The following POTEC variants were observed in gnomAD, a reference collection of about 807,000 sequenced individuals.
The protein encoded by POTEC is POTE ankyrin domain family member C, also known as ANKRD26-like family B member 2.
In POTEC, 35 loss-of-function variants were observed where a neutral mutation model predicts 62.0. That is an observed-to-expected ratio of 0.56 (90% CI 0.43 to 0.75). POTEC has a LOEUF of 0.75. Ranked by LOEUF, POTEC falls within the 30% of genes least tolerant of loss-of-function variation. The pLI is 0.00. For synonymous variants in POTEC, 156 were observed against 221.5 expected (o/e 0.70, Z 2.62); for missense variants, 472 against 655.9 (o/e 0.72, Z 3.06).
rs561969267 is a variant in POTEC, at chr18:14,537,057, T to G, written c.810+744A>C. Reference sequence around the variant, plus strand: ...TTCCTCAGAGGCCTCCTAAAATTTATCTCTAGGCAGTTTACAACCCACTAA... The same window carrying G: ...TTCCTCAGAGGCCTCCTAAAATTTAGCTCTAGGCAGTTTACAACCCACTAA... On this transcript the variant is annotated intron_variant, in intron 3 of 10. Coordinates refer to ENST00000358970, the MANE Select transcript of POTEC (RefSeq NM_001137671.2). 9.0e-3 allele frequency among the ~76,000 whole-genome samples: 1,354 copies of G among 151,272 alleles called. 21 individuals are homozygous for G. Among genetic ancestry groups the G allele is most frequent in the Non-Finnish European group, 0.012 (815 of 67,808 alleles).
intron 6 of POTEC, 143 bp from the exon 7 acceptor site, chr18:14,525,126 G>C (rs1845871143): frequency 7.7e-7 from 1 of 1,294,716 alleles, no homozygotes; most frequent in Non-Finnish European, 1.0e-6. Context: ...AGTTACTTAG[G>C]AAATAATTCT....
At chr18:14,521,655 C>T (rs1288890399) in intron 9 of POTEC, among the ~76,000 whole-genome samples, 1 of 151,940 alleles carries the variant, frequency 6.6e-6, no homozygotes, top group African/African-American at 2.4e-5. Context: ...ATGTATTTAC[C>T]AACAGTGTAT....
At chr18:14,521,338 TTAAA>T (rs1910301195) in intron 9 of POTEC, among the ~76,000 whole-genome samples, 1 of 152,194 alleles carries the variant, frequency 6.6e-6, no homozygotes, top group African/African-American at 2.4e-5. Context: ...ACTAAATGCT[TTAAA>T]TACATTTTAA....
intron 9 of POTEC, among the ~76,000 whole-genome samples, chr18:14,518,706 C>A (rs1203847693): frequency 6.9e-6 from 1 of 144,814 alleles, no homozygotes; most frequent in African/African-American, 2.6e-5. Flanking sequence ...AAATAAAGAA[C>A]TGAAGGAATG....
Position 14,530,468 on chromosome 18 carries a change from T to G in POTEC, c.1126+15A>C. 9 of 1,602,848 alleles carry G rather than the reference T, an allele frequency of 5.6e-6. No homozygotes were observed. The highest frequency in any genetic ancestry group is 6.8e-6 in the Non-Finnish European group (8 of 1,173,620). On this transcript the variant is annotated intron_variant, in intron 6 of 10. Coordinates refer to ENST00000358970, the MANE Select transcript of POTEC (RefSeq NM_001137671.2). ...GGACAACTGACCTAAAGTAATTCAT[T>G]ATCACAAGTCTTACCTGGATTGCTG...
At chr18:14,530,346 A>C in intron 6 of POTEC, 137 bp downstream of exon 6, 1 of 1,172,980 alleles carries the variant, frequency 8.5e-7, no homozygotes, top group Non-Finnish European at 1.2e-6. Context: ...ACAATAAATG[A>C]AACATGGCTG....
chr18:14,522,129 G>A (rs1321423175), intron 9 of POTEC, 125 bp downstream of exon 9: 10 of 1,309,516 alleles, frequency 7.6e-6, no homozygotes, highest in Middle Eastern at 2.8e-4. Context: ...TCATTTTTCT[G>A]ATTAACAGGC....
At chr18:14,515,641 AAAATAAATAAAC>A (rs1276628244) in intron 9 of POTEC, among the ~76,000 whole-genome samples, 4 of 85,704 alleles carry the variant, frequency 4.7e-5, no homozygotes, top group Non-Finnish European at 8.7e-5. Context: ...AACAAAAATA[AAAATAAATAAAC>A]AAATAAATAA....
In POTEC at chr18:14,543,578, T is replaced by C. The variant is rs539123907; in HGVS notation, c.-432A>G. 1 of 276,992 alleles carries C rather than the reference T, an allele frequency of 3.6e-6. No homozygotes were observed. Among genetic ancestry groups the C allele is most frequent in the African/African-American group, 2.5e-5 (1 of 39,620 alleles). The allele number at this position is 276,992 out of a possible 1,614,324, so 17.2% of individuals were successfully genotyped here. A position where few individuals can be genotyped will look rare whatever the true frequency, so the allele number is the denominator to read the frequency against. ...AGGAACGCAAAGCGAAGCGTACCCGTTACAGGTAAGCCAAGCCGTTATGCG... is the reference window on the plus strand; with the variant it reads ...AGGAACGCAAAGCGAAGCGTACCCGCTACAGGTAAGCCAAGCCGTTATGCG... On this transcript the variant is annotated 5_prime_UTR_variant, in exon 1 of 11. Coordinates refer to ENST00000358970, the MANE Select transcript of POTEC (RefSeq NM_001137671.2).
chr18:14,516,298 T>TATA lies in POTEC; in HGVS notation c.1410-2514_1410-2513insTAT, dbSNP rs1910151262. ...ACTGATGAGTGGAATAAAGAAAATTTTATATATATATATATATATATATAT... is the reference window on the plus strand; with the variant it reads ...ACTGATGAGTGGAATAAAGAAAATTTATATATATATATATATATATATATATAT... On this transcript the variant is annotated intron_variant, in intron 9 of 10. Transcript: ENST00000358970. Among the ~76,000 whole-genome samples the TATA allele has an allele frequency of 2.8e-4, 7 of 25,120 alleles. 1 individual carries two copies. The highest frequency in any genetic ancestry group is 4.9e-4 in the Non-Finnish European group (7 of 14,324). 16.5% of individuals were successfully genotyped at this position (25,120 alleles called of 152,430 possible). A position where few individuals can be genotyped will look rare whatever the true frequency, so the allele number is the denominator to read the frequency against.
chr18:14,531,246 T>C (rs1341036116), intron 5 of POTEC, among the ~76,000 whole-genome samples: 1 of 151,168 alleles, frequency 6.6e-6, no homozygotes, highest in Non-Finnish European at 1.5e-5. Flanking sequence ...AATGTGATTG[T>C]CCACTATTAC....
intron 6 of POTEC, among the ~76,000 whole-genome samples, chr18:14,526,616 A>C (rs1353479268): frequency 6.6e-6 from 1 of 152,110 alleles, no homozygotes; most frequent in Non-Finnish European, 1.5e-5. Context: ...ACACAGCAGC[A>C]AGAGCAGGAG....
At chr18:14,525,616 TGA>T (rs1910415431) in intron 6 of POTEC, among the ~76,000 whole-genome samples, 1 of 151,788 alleles carries the variant, frequency 6.6e-6, no homozygotes, top group South Asian at 2.1e-4. Context: ...TGTCACTATA[TGA>T]TTAACTGCCT....
intron 3 of POTEC, among the ~76,000 whole-genome samples, chr18:14,535,881 A>G (rs951187094): frequency 6.6e-6 from 1 of 152,072 alleles, no homozygotes; most frequent in Non-Finnish European, 1.5e-5. Context: ...TCTGAATGGC[A>G]GTGAATAACT....
intron 9 of POTEC, among the ~76,000 whole-genome samples, chr18:14,515,862 C>T (rs890803493): frequency 6.6e-6 from 1 of 151,578 alleles, no homozygotes; most frequent in African/African-American, 2.4e-5. Context: ...AAAGTGGGCA[C>T]ATGACATGAA....
rs1909872484 is a variant in POTEC at position 14,507,400 on chromosome 18, C to T, written c.*4498G>A. 1 of 151,492 alleles carries T rather than the reference C, an allele frequency of 6.6e-6. No individual in the cohort carries two copies. The highest frequency in any genetic ancestry group is 6.6e-5 in the Admixed American group (1 of 15,186). 9.4% of individuals were successfully genotyped at this position (151,492 alleles called of 1,614,324 possible). A position where few individuals can be genotyped will look rare whatever the true frequency, so the allele number is the denominator to read the frequency against. ...TTTGTCAGAAACTAGGAGTGCAACA[C>T]CTGCTTTTTTCTGTTTTCCATTTCC... On this transcript the variant is annotated 3_prime_UTR_variant, in exon 11 of 11. Coordinates refer to ENST00000358970, the MANE Select transcript of POTEC (RefSeq NM_001137671.2).
At chr18:14,535,076 A>C in intron 3 of POTEC, 69 bp from the exon 4 acceptor site, 1 of 1,587,424 alleles carries the variant, frequency 6.3e-7, no homozygotes, top group East Asian at 2.3e-5. Context: ...CTGAACTGGA[A>C]GCTTATGGAC....
rs1905977514 is a variant in POTEC at position 14,542,610 on chromosome 18, T to C, written c.521+16A>G. ...TCCCCCCATGTCCCGCCTCCTCCCA[T>C]CCCAGGCCCAGTTACCTCTTTTGCT... On this transcript the variant is annotated intron_variant, in intron 1 of 10. Coordinates refer to ENST00000358970, the MANE Select transcript of POTEC (RefSeq NM_001137671.2). The C allele has an allele frequency of 1.9e-6, 3 of 1,611,962 alleles. No individual in the cohort carries two copies. In the African/African-American group the frequency reaches 4.0e-5, roughly 22 times the overall value.
Position 14,511,878 on chromosome 18 carries a change from G to A in POTEC, c.*20C>T, listed in dbSNP as rs919535018. 13 of 1,612,160 alleles carry A rather than the reference G, an allele frequency of 8.1e-6. No homozygotes were observed. Among genetic ancestry groups the A allele is most frequent in the Non-Finnish European group, 1.1e-5 (13 of 1,178,766 alleles). On this transcript the variant is annotated 3_prime_UTR_variant, in exon 11 of 11. Transcript: ENST00000358970. ...CCAAAATTTTATTTTCCCTTAGCTG[G>A]TTCTGATGTTTTGTTTCATCTAGTT...
Sources: allele counts gnomAD v4.1 joint callset (sites outside exome capture counted in the v4.1 genomes callset), GRCh38; gene constraint gnomAD v4.1.1; transcripts MANE v1.5; gene names NCBI Gene and HGNC (gene_info 2026-07-23, HGNC 2026-07-21).